The following AP3S2 variants were observed in gnomAD, a reference collection of about 807,000 sequenced individuals.
AP3S2 encodes the protein adaptor related protein complex 3 subunit sigma 2.
AP3S2 carries 22 observed loss-of-function variants against 23.4 expected under a neutral mutation model. That is an observed-to-expected ratio of 0.94 (90% CI 0.67 to 1.34). The LOEUF is 1.34. Among genes scored for constraint, AP3S2 ranks in the 40% most tolerant of loss-of-function variants. The pLI is 0.00. For synonymous variants in AP3S2, 86 were observed against 87.1 expected (o/e 0.99, Z 0.07); for missense variants, 241 against 236.9 (o/e 1.02, Z -0.11).
Position 89,831,928 on chromosome 15 carries a change from T to C in AP3S2, c.*3587A>G, listed in dbSNP as rs1895085424. ...CTAAATATTCCATATATCACAAAGT[T>C]ACTGACTGCGGTCTCCACAAATTCA... On this transcript the variant is annotated 3_prime_UTR_variant, in exon 6 of 6. Transcript: ENST00000336418. 6.6e-6 allele frequency: 1 copy of C among 152,216 alleles called. No individual in the cohort carries two copies. The highest frequency in any genetic ancestry group is 1.5e-5 in the Non-Finnish European group (1 of 68,056). The allele number at this position is 152,216 out of a possible 1,614,324, so 9.4% of individuals were successfully genotyped here. A position where few individuals can be genotyped will look rare whatever the true frequency, so the allele number is the denominator to read the frequency against.
intron 3 of AP3S2, among the ~76,000 whole-genome samples, chr15:89,881,269 TA>T (rs971349112): frequency 6.6e-6 from 1 of 152,134 alleles, no homozygotes; most frequent in African/African-American, 2.4e-5. Flanking sequence ...CAGGCTGTAA[TA>T]GGGGGCTTGG....
intron 4 of AP3S2, among the ~76,000 whole-genome samples, chr15:89,870,750 C>A (rs1364204770): frequency 6.6e-6 from 1 of 152,190 alleles, no homozygotes; most frequent in East Asian, 1.9e-4. Flanking sequence ...ATCATAATGA[C>A]AACAATCAGT....
Position 89,831,628 on chromosome 15 carries a change from TC to T in AP3S2, c.*3886del, listed in dbSNP as rs1567169235. 6.6e-6 allele frequency: 1 copy of T among 152,316 alleles called. No homozygotes were observed. The highest frequency in any genetic ancestry group is 1.5e-5 in the Non-Finnish European group (1 of 68,110). 9.4% of individuals were successfully genotyped at this position (152,316 alleles called of 1,614,324 possible). A position where few individuals can be genotyped will look rare whatever the true frequency, so the allele number is the denominator to read the frequency against. ...TAGCTGCCCCTGGTTTGAGCCTTGC[TC>T]CCCTGGTGTCTTTTCTGGCGAAGCT... On this transcript the variant is annotated 3_prime_UTR_variant, in exon 6 of 6. Transcript: ENST00000336418.
At chr15:89,841,163 G>A (rs898029658) in intron 4 of AP3S2, among the ~76,000 whole-genome samples, 1 of 152,228 alleles carries the variant, frequency 6.6e-6, no homozygotes, top group African/African-American at 2.4e-5. Flanking sequence ...GTGGAGACTA[G>A]TGGCTGGTTA....
intron 4 of AP3S2, among the ~76,000 whole-genome samples, chr15:89,858,058 T>C (rs1013519143): frequency 6.6e-5 from 10 of 152,194 alleles, no homozygotes; most frequent in African/African-American, 1.9e-4. Flanking sequence ...TCATAAGCCA[T>C]TGGGATTTTG....
intron 4 of AP3S2, among the ~76,000 whole-genome samples, chr15:89,869,584 A>G (rs1896267683): frequency 6.6e-6 from 1 of 150,512 alleles, no homozygotes; most frequent in African/African-American, 2.4e-5. Context: ...AAAAAAAAAA[A>G]AAGAAAACTC....
At chr15:89,861,357 T>C (rs1896006086) in intron 4 of AP3S2, among the ~76,000 whole-genome samples, 1 of 152,194 alleles carries the variant, frequency 6.6e-6, no homozygotes, top group South Asian at 2.1e-4. Flanking sequence ...GCCATTGAAT[T>C]GTGACTCTGA....
intron 1 of AP3S2, among the ~76,000 whole-genome samples, chr15:89,890,313 G>A (rs1046279204): frequency 6.6e-6 from 1 of 152,196 alleles, no homozygotes; most frequent in African/African-American, 2.4e-5. Flanking sequence ...GCCTCCCAAA[G>A]TGCTGGGATT....
chr15:89,873,876 C>CTTTTTT lies in AP3S2; in HGVS notation c.274-2336_274-2331dup, dbSNP rs3055916. Among the ~76,000 whole-genome samples, 5 of 76,848 alleles carry CTTTTTT rather than the reference C, an allele frequency of 6.5e-5. 1 individual carries two copies. The highest frequency in any genetic ancestry group is 1.8e-4 in the Admixed American group (1 of 5,510). 50.4% of individuals were successfully genotyped at this position (76,848 alleles called of 152,430 possible). ...AAATAAATGTCTTATTTCTCTGTGG[C>CTTTTTT]TTTTTTTTTTTTTTTTTTTTTTGAG... On this transcript the variant is annotated intron_variant, in intron 3 of 5. Transcript: ENST00000336418.
At chr15:89,837,894 T>C in intron 4 of AP3S2, 172 bp from the exon 5 acceptor site, 1 of 651,934 alleles carries the variant, frequency 1.5e-6, no homozygotes, top group Non-Finnish European at 2.5e-6. Flanking sequence ...CTCTCCCAGG[T>C]CTTGGCACAT....
intron 4 of AP3S2, among the ~76,000 whole-genome samples, chr15:89,842,683 G>A (rs917548036): frequency 6.6e-6 from 1 of 152,146 alleles, no homozygotes; most frequent in Non-Finnish European, 1.5e-5. Flanking sequence ...CGCGATCTCG[G>A]CTCAGTGCAA....
intron 4 of AP3S2, among the ~76,000 whole-genome samples, chr15:89,858,302 G>A (rs917332833): frequency 3.3e-5 from 5 of 151,928 alleles, no homozygotes; most frequent in African/African-American, 7.3e-5. Flanking sequence ...CTAGCCGGGT[G>A]TGGTGGCGCA....
intron 3 of AP3S2, among the ~76,000 whole-genome samples, chr15:89,880,854 C>T (rs1222938078): frequency 6.6e-6 from 1 of 152,060 alleles, no homozygotes; most frequent in African/African-American, 2.4e-5. Context: ...AGGAACATAC[C>T]ATTGTTGACA....
rs961293860 is a variant in AP3S2 at position 89,879,888 on chromosome 15, G to A, written c.274-8342C>T. On this transcript the variant is annotated intron_variant, in intron 3 of 5. Transcript: ENST00000336418. ...GAGATCACGCCACCGCACTCTGGGC[G>A]ACAAGAGTGAGACTCCAAATTATAT... Among the ~76,000 whole-genome samples the A allele has an allele frequency of 2.6e-5, 4 of 151,764 alleles. No homozygotes were observed. In the East Asian group the frequency reaches 5.8e-4, roughly 22 times the overall value.
chr15:89,836,864 AAAG>A (rs1317675484), intron 5 of AP3S2, among the ~76,000 whole-genome samples: 2 of 152,230 alleles, frequency 1.3e-5, no homozygotes, highest in Non-Finnish European at 2.9e-5. Context: ...GTCCTCACAG[AAAG>A]AAGAATTCCT....
chr15:89,889,777 C>G (rs1170562768), intron 1 of AP3S2, among the ~76,000 whole-genome samples: 1 of 138,100 alleles, frequency 7.2e-6, no homozygotes, highest in Non-Finnish European at 1.5e-5. Flanking sequence ...GGCAGGAGAA[C>G]TGCTTGAACC....
chr15:89,889,067 T>A lies in AP3S2; in HGVS notation c.143A>T (p.Asn48Ile). 6.2e-7 allele frequency: 1 copy of A among 1,614,122 alleles called. No individual in the cohort carries two copies. The highest frequency in any genetic ancestry group is 8.5e-7 in the Non-Finnish European group (1 of 1,180,028). The change falls in exon 2 of 6, where the codon AAC becomes ATC. Residue 48 changes from asparagine to isoleucine, a missense_variant. Transcript: ENST00000336418. Reference protein sequence around the residue: ...LVLKRDDNICNFLEGGSLIGG... With the variant: ...LVLKRDDNICIFLEGGSLIGG... ...AGTTTACCTTCCACCCTCCAAGAAG[T>A]TACAGATGTTGTCATCCCGCTTGAG...
intron 3 of AP3S2, among the ~76,000 whole-genome samples, chr15:89,879,871 G>A (rs546070932): frequency 6.6e-6 from 1 of 151,938 alleles, no homozygotes; most frequent in East Asian, 1.9e-4. Context: ...CTGAGATCAC[G>A]CCACCGCACT....
chr15:89,869,013 G>GCCC (rs1402380472), intron 4 of AP3S2, among the ~76,000 whole-genome samples: 4 of 150,314 alleles, frequency 2.7e-5, no homozygotes, highest in African/African-American at 9.9e-5. Flanking sequence ...CTGCCTGGCC[G>GCCC]CCCCTACTGG....
Sources: allele counts gnomAD v4.1 joint callset (sites outside exome capture counted in the v4.1 genomes callset), GRCh38; gene constraint gnomAD v4.1.1; transcripts MANE v1.5; gene names NCBI Gene and HGNC (gene_info 2026-07-23, HGNC 2026-07-21).